AKT3: variants seen among roughly 807,000 people sequenced by gnomAD.
AKT3 encodes RAC-gamma serine/threonine-protein kinase.
A neutral mutation model predicts 65.3 loss-of-function variants in AKT3; 15 were observed. That is an observed-to-expected ratio of 0.23 (90% CI 0.15 to 0.35). AKT3 has a LOEUF of 0.35. AKT3 is among the 10% of genes least tolerant of loss of function. AKT3 has a pLI of 1.00. For synonymous variants in AKT3, 206 were observed against 183.8 expected (o/e 1.12, Z -0.98); for missense variants, 243 against 576.5 (o/e 0.42, Z 5.92).
intron 6 of AKT3, among the ~76,000 whole-genome samples, chr1:243,629,880 G>A (rs1679474273): frequency 6.6e-6 from 1 of 152,156 alleles, no homozygotes; most frequent in Non-Finnish European, 1.5e-5. Flanking sequence ...TGTACCCTCT[G>A]ATGCACAAAA....
intron 10 of AKT3, among the ~76,000 whole-genome samples, chr1:243,562,640 C>A (rs933731698): frequency 6.6e-6 from 1 of 152,084 alleles, no homozygotes; most frequent in African/African-American, 2.4e-5. Flanking sequence ...TTGAAACTGT[C>A]ATTATGAGGA....
At chr1:243,581,694 T>C (rs967491487) in intron 8 of AKT3, among the ~76,000 whole-genome samples, 2 of 152,018 alleles carry the variant, frequency 1.3e-5, no homozygotes, top group African/African-American at 4.8e-5. Flanking sequence ...AATCTGAATG[T>C]AGTGATACCA....
intron 12 of AKT3, among the ~76,000 whole-genome samples, chr1:243,530,658 G>T (rs1032670845): frequency 5.3e-5 from 8 of 152,128 alleles, no homozygotes; most frequent in Non-Finnish European, 1.0e-4. Context: ...CAGAAGGCAA[G>T]AAATAACCAA....
At chr1:243,511,086 T>G (rs1003153522) in intron 13 of AKT3, among the ~76,000 whole-genome samples, 2 of 152,260 alleles carry the variant, frequency 1.3e-5, no homozygotes, top group African/African-American at 2.4e-5. Flanking sequence ...GGCACAAGAT[T>G]GAGTGGAAAC....
chr1:243,849,478 C>G (rs1416653470), intron 1 of AKT3, among the ~76,000 whole-genome samples: 1 of 145,250 alleles, frequency 6.9e-6, no homozygotes, highest in East Asian at 2.2e-4. Context: ...GACGCCTGTG[C>G]ATCCTCGCCT....
intron 2 of AKT3, among the ~76,000 whole-genome samples, chr1:243,820,369 A>G (rs1025938863): frequency 3.9e-5 from 6 of 152,230 alleles, no homozygotes; most frequent in Non-Finnish European, 1.5e-5. Context: ...AAAAACATTG[A>G]GAACCCCAAA....
downstream of AKT3, among the ~76,000 whole-genome samples, chr1:243,495,897 C>T (rs1057110099): frequency 6.6e-6 from 1 of 152,126 alleles, no homozygotes; most frequent in Non-Finnish European, 1.5e-5. Flanking sequence ...AGGAGAGCCT[C>T]GCATGGGAGA....
At position 243,563,906 on chromosome 1, in the gene AKT3, C is replaced by A. The variant is rs1161344706; in HGVS notation, c.820-58G>T. On this transcript the variant is annotated intron_variant, in intron 9 of 13. Coordinates refer to ENST00000673466, the MANE Select transcript of AKT3 (RefSeq NM_005465.7). The stretch of plus-strand genomic sequence containing the variant: ...TATAGTCTTCAACAACATGAAAATA[C>A]CATTTTAAAAAACTACTGAATGCTG... The A allele has an allele frequency of 3.3e-6, 5 of 1,512,074 alleles. No individual in the cohort carries two copies. The South Asian group carries it at 3.9e-5, about 12-fold the overall frequency. 93.7% of individuals were successfully genotyped at this position (1,512,074 alleles called of 1,614,324 possible). A position where few individuals can be genotyped will look rare whatever the true frequency, so the allele number is the denominator to read the frequency against.
intron 8 of AKT3, among the ~76,000 whole-genome samples, chr1:243,583,170 G>GTATATA (rs74162293): frequency 7.6e-5 from 9 of 118,602 alleles, no homozygotes; most frequent in African/African-American, 2.4e-4. Context: ...ATATGTGTGT[G>GTATATA]TATATATATA....
At chr1:243,778,773 C>T (rs1056470801) in intron 2 of AKT3, among the ~76,000 whole-genome samples, 1 of 152,142 alleles carries the variant, frequency 6.6e-6, no homozygotes, top group Non-Finnish European at 1.5e-5. Flanking sequence ...GCCTGTTTAA[C>T]CCTGCTTTCT....
intron 2 of AKT3, 72 bp downstream of exon 2, chr1:243,843,053 T>TC: frequency 6.7e-7 from 1 of 1,490,540 alleles, no homozygotes; most frequent in Non-Finnish European, 9.3e-7. Flanking sequence ...AGAAAAAAGA[T>TC]CAACTTCTAA....
At chr1:243,558,083 T>G (rs954438847) in intron 10 of AKT3, among the ~76,000 whole-genome samples, 2 of 152,154 alleles carry the variant, frequency 1.3e-5, no homozygotes, top group African/African-American at 4.8e-5. Flanking sequence ...TCAGATCTCC[T>G]AAAAACAACA....
intron 6 of AKT3, among the ~76,000 whole-genome samples, chr1:243,636,338 A>G (rs547752167): frequency 2.0e-5 from 3 of 152,178 alleles, no homozygotes; most frequent in African/African-American, 7.2e-5. Context: ...GAAAATAACC[A>G]TATGAGGCAG....
At chr1:243,686,226 G>C (rs981719806) in intron 3 of AKT3, among the ~76,000 whole-genome samples, 2 of 152,092 alleles carry the variant, frequency 1.3e-5, no homozygotes, top group African/African-American at 4.8e-5. Context: ...AGCTACCATT[G>C]ACTTTCTTCA....
At chr1:243,798,649 C>G (rs1309172408) in intron 2 of AKT3, among the ~76,000 whole-genome samples, 1 of 152,106 alleles carries the variant, frequency 6.6e-6, no homozygotes, top group Non-Finnish European at 1.5e-5. Flanking sequence ...CACTCCTAGA[C>G]AGCAAACAAA....
At chr1:243,664,552 T>C (rs1279422289) in intron 4 of AKT3, among the ~76,000 whole-genome samples, 1 of 152,166 alleles carries the variant, frequency 6.6e-6, no homozygotes, top group African/African-American at 2.4e-5. Context: ...GTTCTGTTTC[T>C]CTGAAAGTAT....
In AKT3 at chr1:243,499,754, A is replaced by G. The variant is rs756661933; in HGVS notation, c.*5495T>C. The G allele has an allele frequency of 6.2e-7, 1 of 1,610,610 alleles. No homozygotes were observed. The highest frequency in any genetic ancestry group is 1.1e-5 in the South Asian group (1 of 91,000). On this transcript the variant is annotated 3_prime_UTR_variant, in exon 14 of 14. Coordinates refer to ENST00000673466, the MANE Select transcript of AKT3 (RefSeq NM_005465.7). ...AAACTTACTTTTTATTATTTTTTCC[A>G]GTTACCCAGCATGCCACAATCTGAT... is the stretch of plus-strand genomic sequence containing the variant.
chr1:243,695,169 T>C (rs1054746369), intron 3 of AKT3, among the ~76,000 whole-genome samples: 1 of 152,010 alleles, frequency 6.6e-6, no homozygotes, highest in East Asian at 1.9e-4. Flanking sequence ...CCCCAGAAGA[T>C]GATTTCTAAT....
chr1:243,675,214 T>G (rs891684979), intron 3 of AKT3, among the ~76,000 whole-genome samples: 6 of 152,220 alleles, frequency 3.9e-5, no homozygotes, highest in Admixed American at 1.3e-4. Context: ...GTCACTTTTT[T>G]TTTGAGATGG....
Sources: gnomAD v4.1 joint callset for allele counts (sites outside exome capture counted in the v4.1 genomes callset) on GRCh38, gnomAD v4.1.1 for gene constraint, MANE v1.5 for transcripts, NCBI Gene and HGNC (gene_info 2026-07-23, HGNC 2026-07-21) for gene names.